PCLO: variants seen among roughly 807,000 people sequenced by gnomAD.
The protein encoded by PCLO is protein piccolo.
PCLO carries 82 observed loss-of-function variants against 427.5 expected under a neutral mutation model. That is an observed-to-expected ratio of 0.19 (90% CI 0.16 to 0.23). The LOEUF (loss-of-function observed/expected upper bound fraction) is 0.23. PCLO is among the 10% of genes least tolerant of loss of function. PCLO has a pLI of 1.00. For synonymous variants in PCLO, 2,357 were observed against 2,155.4 expected, an observed-to-expected ratio of 1.09 and a Z score of -2.59; for missense variants, 6,239 against 6,115.9, an observed-to-expected ratio of 1.02 and a Z score of -0.67.
At chr7:83,142,456 G>A (rs1283249971) in intron 2 of PCLO, among the ~76,000 whole-genome samples, 2 of 152,156 alleles carry the variant, frequency 1.3e-5, no homozygotes, top group East Asian at 3.9e-4. Flanking sequence ...CTCCTCTCAT[G>A]TTTATGTAAA....
intron 6 of PCLO, among the ~76,000 whole-genome samples, chr7:82,939,128 C>T (rs886453160): frequency 1.3e-5 from 2 of 152,058 alleles, no homozygotes; most frequent in African/African-American, 4.8e-5. Flanking sequence ...GATTCTAATG[C>T]TTCTGTAAAA....
intron 9 of PCLO, chr7:82,880,272 A>C (rs1793473344): frequency 3.9e-6 from 1 of 257,472 alleles, no homozygotes; most frequent in African/African-American, 2.2e-5. Flanking sequence ...TGTTGCATAT[A>C]TGGCTCATCA....
intron 3 of PCLO, among the ~76,000 whole-genome samples, chr7:82,981,937 G>T (rs1796155165): frequency 6.6e-6 from 1 of 152,004 alleles, no homozygotes; most frequent in Non-Finnish European, 1.5e-5. Flanking sequence ...GTAGAATGTG[G>T]CTTAATACTT....
intron 6 of PCLO, among the ~76,000 whole-genome samples, chr7:82,942,245 T>C (rs1795103562): frequency 1.3e-5 from 2 of 152,228 alleles, no homozygotes; most frequent in Admixed American, 1.3e-4. Flanking sequence ...TACTGTTAAA[T>C]AGTGCTGTGG....
chr7:83,023,982 C>T (rs1038925674), intron 3 of PCLO, among the ~76,000 whole-genome samples: 10 of 152,186 alleles, frequency 6.6e-5, no homozygotes, highest in African/African-American at 2.4e-4. Context: ...CAAGAGCTGA[C>T]TCATCTTAAC....
rs184291822 is a variant in PCLO at position 82,883,443 on chromosome 7, T to A, written c.13529-3981A>T. On this transcript the variant is annotated intron_variant, in intron 9 of 24. Transcript: ENST00000333891. Reference sequence around the variant, plus strand: ...AAAAATTCAGTTATTTCCCTTTTTGTCCTATCAAATGAAACAGTTTGTTCA... The same window carrying A: ...AAAAATTCAGTTATTTCCCTTTTTGACCTATCAAATGAAACAGTTTGTTCA... Among the ~76,000 whole-genome samples, 6 of 152,230 alleles carry A rather than the reference T, an allele frequency of 3.9e-5. No individual in the cohort carries two copies. In the East Asian group the frequency reaches 1.2e-3, roughly 29 times the overall value.
At chr7:82,918,574 A>T (rs759423714) in intron 6 of PCLO, among the ~76,000 whole-genome samples, 2 of 152,070 alleles carry the variant, frequency 1.3e-5, no homozygotes, top group African/African-American at 4.8e-5. Flanking sequence ...ATTAACATAG[A>T]TATGTCATGT....
intron 22 of PCLO, among the ~76,000 whole-genome samples, chr7:82,769,074 T>C (rs1283540029): frequency 6.6e-6 from 1 of 152,176 alleles, no homozygotes; most frequent in African/African-American, 2.4e-5. Context: ...TAAGGCTCCA[T>C]TCTCTCATGG....
intron 21 of PCLO, among the ~76,000 whole-genome samples, chr7:82,803,146 A>G (rs1434070462): frequency 6.6e-6 from 1 of 152,112 alleles, no homozygotes; most frequent in Non-Finnish European, 1.5e-5. Flanking sequence ...GTTAAGAAAA[A>G]AAAAAGAACT....
chr7:83,158,781 A>T (rs1000594724), intron 1 of PCLO, among the ~76,000 whole-genome samples: 2 of 152,048 alleles, frequency 1.3e-5, no homozygotes, highest in African/African-American at 4.8e-5. Context: ...GAAAATAGGC[A>T]TACAACCCTA....
chr7:82,781,083 GAAAT>G lies in PCLO; in HGVS notation c.15008-19594_15008-19591del, dbSNP rs1259186218. ...ACTAATAAATATTCAACAAATAAGA[GAAAT>G]AAATAAGCAGTAATTTTGAAAATAA... On this transcript the variant is annotated intron_variant, in intron 22 of 24. Coordinates refer to ENST00000333891, the MANE Select transcript of PCLO (RefSeq NM_033026.6). Among the ~76,000 whole-genome samples, 16 of 151,522 alleles carry G rather than the reference GAAAT, an allele frequency of 1.1e-4. No individual in the cohort carries two copies. In the East Asian group the frequency reaches 1.9e-3, roughly 18 times the overall value.
intron 8 of PCLO, among the ~76,000 whole-genome samples, chr7:82,905,150 A>G (rs1376502024): frequency 2.0e-5 from 3 of 152,014 alleles, no homozygotes; most frequent in Non-Finnish European, 4.4e-5. Flanking sequence ...CCCCAAGGGG[A>G]TGGTCTCTGT....
In PCLO at chr7:82,782,065, T is replaced by C. The variant is rs576573236; in HGVS notation, c.15007+19453A>G. Among the ~76,000 whole-genome samples the C allele has an allele frequency of 1.1e-4, 16 of 152,324 alleles. No individual in the cohort carries two copies. In the South Asian group the frequency reaches 2.5e-3, roughly 24 times the overall value. ...AGAGGAGATCACAGGAACCCCAACT[T>C]GAAGCCAGTCGGTCAGAACTTTCTA... On this transcript the variant is annotated intron_variant, in intron 22 of 24. Coordinates refer to ENST00000333891, the MANE Select transcript of PCLO (RefSeq NM_033026.6).
At chr7:82,811,665 A>G (rs1277119497) in intron 20 of PCLO, among the ~76,000 whole-genome samples, 1 of 151,482 alleles carries the variant, frequency 6.6e-6, no homozygotes, top group Non-Finnish European at 1.5e-5. Context: ...TTTTTTTCCA[A>G]ATCTACTTCA....
chr7:82,782,978 C>T (rs1252880939), intron 22 of PCLO, among the ~76,000 whole-genome samples: 3 of 152,124 alleles, frequency 2.0e-5, no homozygotes, highest in Admixed American at 6.5e-5. Context: ...TGCATCTGAC[C>T]CACATAGGAA....
chr7:83,062,935 T>C (rs1789575506), intron 3 of PCLO, among the ~76,000 whole-genome samples: 2 of 152,128 alleles, frequency 1.3e-5, no homozygotes, highest in South Asian at 4.1e-4. Flanking sequence ...AAAATTACTA[T>C]TTCCAAATTT....
intron 3 of PCLO, among the ~76,000 whole-genome samples, chr7:83,133,127 C>A (rs1791614719): frequency 6.6e-6 from 1 of 151,782 alleles, no homozygotes; most frequent in Admixed American, 6.6e-5. Flanking sequence ...AAACAAATGT[C>A]TTTTTAAAGT....
chr7:82,962,499 A>G (rs1488196766), intron 4 of PCLO, among the ~76,000 whole-genome samples: 4 of 152,040 alleles, frequency 2.6e-5, no homozygotes, highest in Admixed American at 6.6e-5. Flanking sequence ...GTAGCAAAAG[A>G]TCTAATAATA....
chr7:83,096,965 TA>T (rs1292173226), intron 3 of PCLO, among the ~76,000 whole-genome samples: 1 of 49,856 alleles, frequency 2.0e-5, no homozygotes, highest in African/African-American at 1.2e-4. Flanking sequence ...TAATATAATA[TA>T]ATATATTATA....
Sources: allele counts gnomAD v4.1 joint callset (sites outside exome capture counted in the v4.1 genomes callset), GRCh38; gene constraint gnomAD v4.1.1; transcripts MANE v1.5; gene names NCBI Gene and HGNC (gene_info 2026-07-23, HGNC 2026-07-21).